CLEC1B: variants seen among roughly 807,000 people sequenced by gnomAD.
The protein encoded by CLEC1B is C-type lectin domain family 1 member B, also known as C-type lectin-like receptor 2.
A neutral mutation model predicts 26.7 loss-of-function variants in CLEC1B; 26 were observed. That is an observed-to-expected ratio of 0.97 (90% confidence interval 0.71 to 1.35). CLEC1B has a LOEUF of 1.35. CLEC1B is among the 40% of genes most tolerant of loss of function. CLEC1B has a pLI of 0.00. For missense variants in CLEC1B, 293 were observed against 282.6 expected (o/e 1.04, Z -0.26); for synonymous variants, 112 against 96.0 (o/e 1.17, Z -0.97).
chr12:9,999,633 T>G (rs1199777398), upstream of CLEC1B, among the ~76,000 whole-genome samples: 1 of 152,218 alleles, frequency 6.6e-6, no homozygotes, highest in Non-Finnish European at 1.5e-5. Context: ...TCATTCCTGA[T>G]TATGACCTAG....
rs775843649 is a variant in CLEC1B at position 9,998,202 on chromosome 12, T to C, written c.163+80A>G. On this transcript the variant is annotated intron_variant, in intron 2 of 5. Transcript: ENST00000298527. ...GTGATAAACAGACAAATAGCGACCA[T>C]TGAGAAGCTTAGTGGGATATGCCAT... The C allele has an allele frequency of 1.8e-5, 19 of 1,053,616 alleles. 1 individual carries two copies. The highest frequency in any genetic ancestry group is 5.0e-5 in the South Asian group (4 of 79,442). The allele number at this position is 1,053,616 out of a possible 1,614,324, so 65.3% of individuals were successfully genotyped here.
At chr12:9,998,709 A>T (rs2137246425) in intron 1 of CLEC1B, among the ~76,000 whole-genome samples, 1 of 152,254 alleles carries the variant, frequency 6.6e-6, no homozygotes, top group Admixed American at 6.5e-5. Context: ...TAATTGCTTT[A>T]ATAAACAGCA....
chr12:9,997,009 A>G lies in CLEC1B; in HGVS notation c.284-9T>C, dbSNP rs1280416724. 1.2e-6 allele frequency: 2 copies of G among 1,613,468 alleles called. No homozygotes were observed. Among genetic ancestry groups the G allele is most frequent in the Admixed American group, 1.7e-5 (1 of 59,880 alleles). ...GCTGCATTTATGACCTTCTGGAGAA[A>G]CCAAGCACAGGAATGGTGTATTTTT... On this transcript the variant is annotated splice_polypyrimidine_tract_variant and intron_variant, in intron 3 of 5. Transcript: ENST00000298527.
intron 4 of CLEC1B, chr12:9,995,669 C>T (rs891338008): frequency 9.1e-6 from 2 of 218,782 alleles, no homozygotes; most frequent in African/African-American, 2.4e-5. Context: ...GCTCAGCTTG[C>T]CTATAAAATC....
At chr12:10,001,519 T>TC (rs1339847234), upstream of CLEC1B, among the ~76,000 whole-genome samples, 2 of 152,144 alleles carry the variant, frequency 1.3e-5, no homozygotes, top group Non-Finnish European at 2.9e-5. Context: ...TTTCTGTGTA[T>TC]CCCCCCTCAC....
chr12:9,993,700 G>A (rs1170569982), intron 5 of CLEC1B, among the ~76,000 whole-genome samples: 6 of 152,066 alleles, frequency 3.9e-5, no homozygotes, highest in East Asian at 1.9e-4. Context: ...ATGGGAATAC[G>A]CTCATGGAAA....
rs1331735501 is a variant in CLEC1B at position 9,998,218 on chromosome 12, G to GA, written c.163+63dup. 32 of 1,206,214 alleles carry GA rather than the reference G, an allele frequency of 2.7e-5. No homozygotes were observed. The East Asian group carries it at 7.2e-4, about 27-fold the overall frequency. 74.7% of individuals were successfully genotyped at this position (1,206,214 alleles called of 1,614,324 possible). ...TAGCGACCATTGAGAAGCTTAGTGG[G>GA]ATATGCCATGACCCTTCAGTATTAC... On this transcript the variant is annotated intron_variant, in intron 2 of 5. Coordinates refer to ENST00000298527, the MANE Select transcript of CLEC1B (RefSeq NM_016509.4).
chr12:9,998,283 C>A lies in CLEC1B; in HGVS notation c.162G>T (p.Trp54Cys), dbSNP rs1371496889. 6.2e-7 allele frequency: 1 copy of A among 1,613,528 alleles called. No individual in the cohort carries two copies. The highest frequency in any genetic ancestry group is 8.5e-7 in the Non-Finnish European group (1 of 1,179,570). ...ATTTCTGGCAGAGTCAACACTTACA[C>A]CAAATCCCCAGAGCCACCAGCCCGA... is the stretch of plus-strand genomic sequence containing the variant. ...MVVGLVALGI[W>C]SVMQRNYLQG... The change falls in exon 2 of 6, where the codon TGG becomes TGT. Residue 54 changes from tryptophan to cysteine, a missense_variant and splice_region_variant. By Grantham distance (215) the Trp-to-Cys change is radical. Coordinates refer to ENST00000298527, the MANE Select transcript of CLEC1B (RefSeq NM_016509.4).
intron 4 of CLEC1B, 67 bp downstream of exon 4, chr12:9,996,779 G>A (rs760226857): frequency 5.2e-6 from 8 of 1,527,444 alleles, no homozygotes; most frequent in Non-Finnish European, 6.3e-6. Context: ...AACAAAAAAA[G>A]GTCAAGTGTT....
chr12:10,001,172 A>T (rs917647114), upstream of CLEC1B, among the ~76,000 whole-genome samples: 2 of 152,182 alleles, frequency 1.3e-5, no homozygotes, highest in African/African-American at 4.8e-5. Context: ...TATTAAAGAG[A>T]ACAATTAGAT....
rs775125636 is a variant in CLEC1B, at chr12:9,996,889, T to A, written c.395A>T (p.Asp132Val). The A allele has an allele frequency of 6.2e-7, 1 of 1,613,950 alleles. No homozygotes were observed. Among genetic ancestry groups the A allele is most frequent in the Non-Finnish European group, 8.5e-7 (1 of 1,179,946 alleles). Residue 132 changes from aspartate (D) to valine (V), a missense_variant, in exon 4 of 6, where the codon GAC becomes GTC. Coordinates refer to ENST00000298527, the MANE Select transcript of CLEC1B (RefSeq NM_016509.4). ...TWEESKQYCT[D>V]MNATLLKIDN... ...AATCTTCAGGAGAGTAGCATTCATG[T>A]CAGTGCAGTACTGCTTACTCTCTTC...
At chr12:9,994,005 A>G (rs1454102289) in intron 5 of CLEC1B, among the ~76,000 whole-genome samples, 2 of 152,158 alleles carry the variant, frequency 1.3e-5, no homozygotes, top group Admixed American at 1.3e-4. Flanking sequence ...GAAGCCCACA[A>G]AAAATAGACA....
At chr12:10,000,755 T>C (rs1208190061), upstream of CLEC1B, among the ~76,000 whole-genome samples, 4 of 152,190 alleles carry the variant, frequency 2.6e-5, no homozygotes, top group East Asian at 3.8e-4. Context: ...TTCTGGAAGA[T>C]TGGGGTTGGA....
chr12:9,995,133 G>T lies in CLEC1B; in HGVS notation c.545+7C>A. ...CTCCCTCCTATTCTAAGTGTCCAGT[G>T]ACTTACATATTTTCTGAGATAACCG... On this transcript the variant is annotated splice_region_variant and intron_variant, in intron 5 of 5. Coordinates refer to ENST00000298527, the MANE Select transcript of CLEC1B (RefSeq NM_016509.4). The T allele has an allele frequency of 1.2e-6, 2 of 1,611,578 alleles. No homozygotes were observed. Among genetic ancestry groups the T allele is most frequent in the South Asian group, 2.2e-5 (2 of 91,024 alleles).
chr12:9,998,962 T>C (rs1245019379), intron 1 of CLEC1B, 75 bp downstream of exon 1: 12 of 847,084 alleles, frequency 1.4e-5, no homozygotes, highest in East Asian at 2.4e-5. Context: ...ATATTATCAA[T>C]AGTAGAAAAA....
At chr12:10,000,500 A>T (rs112293142), upstream of CLEC1B, among the ~76,000 whole-genome samples, 6,855 of 150,822 alleles carry the variant, frequency 0.045, 202 homozygotes, top group African/African-American at 0.078. Flanking sequence ...ATTCTTAATT[A>T]AAAAAAAACA....
rs572751389 is a variant in CLEC1B at position 9,996,918 on chromosome 12, T to C, written c.366A>G (p.Thr122=). 3 of 1,613,988 alleles carry C rather than the reference T, an allele frequency of 1.9e-6. No homozygotes were observed. The highest frequency in any genetic ancestry group is 2.2e-5 in the East Asian group (1 of 44,874). The change falls in exon 4 of 6, where the codon ACA becomes ACG. Residue 122 remains threonine (T), a synonymous_variant. Coordinates refer to ENST00000298527, the MANE Select transcript of CLEC1B (RefSeq NM_016509.4). ...SCYGFFRHNL[T]WEESKQYCTD... is the part of the protein sequence containing the mutation. ...TGCAGTACTGCTTACTCTCTTCCCA[T>C]GTTAAGTTGTGCCTGAAGAACCCAT...
chr12:9,993,305 G>A lies in CLEC1B; in HGVS notation c.546-18C>T. Reference sequence around the variant, plus strand: ...ACTCAAACCTGTGAAGGGAAAGTTAGAATAAATTCCTTTGAAAACTGAGCA... The same window carrying A: ...ACTCAAACCTGTGAAGGGAAAGTTAAAATAAATTCCTTTGAAAACTGAGCA... On this transcript the variant is annotated intron_variant, in intron 5 of 5. Transcript: ENST00000298527. 1 of 1,546,424 alleles carries A rather than the reference G, an allele frequency of 6.5e-7. No individual in the cohort carries two copies. Among genetic ancestry groups the A allele is most frequent in the South Asian group, 1.1e-5 (1 of 90,462 alleles).
chr12:9,997,455 A>T (rs754744736), intron 2 of CLEC1B, among the ~76,000 whole-genome samples, 176 bp from the exon 3 acceptor site: 1 of 152,210 alleles, frequency 6.6e-6, no homozygotes, highest in Non-Finnish European at 1.5e-5. Context: ...AAATTAAGAA[A>T]TACACAGAAC....
Sources: gnomAD v4.1 joint callset for allele counts (sites outside exome capture counted in the v4.1 genomes callset) on GRCh38, gnomAD v4.1.1 for gene constraint, MANE v1.5 for transcripts, NCBI Gene and HGNC (gene_info 2026-07-23, HGNC 2026-07-21) for gene names.